Variants in NAP1L1 observed in about 807,000 individuals in gnomAD.
NAP1L1 encodes nucleosome assembly protein 1 like 1.
Under a neutral mutation model 58.9 loss-of-function variants are expected in NAP1L1, and 9 were observed. The ratio of observed to expected loss-of-function variants is 0.15; its 90% CI spans 0.09 to 0.27. The LOEUF is 0.27. Among genes scored for constraint, NAP1L1 ranks in the 10% least tolerant of loss-of-function variants. NAP1L1 has a pLI of 1.00. For missense variants in NAP1L1, 302 were observed against 458.8 expected (o/e 0.66, Z 3.12); for synonymous variants, 130 against 138.3 (o/e 0.94, Z 0.42).
At chr12:76,053,486 G>A in intron 9 of NAP1L1, 136 bp from the exon 10 acceptor site, 1 of 1,038,128 alleles carries the variant, frequency 9.6e-7, no homozygotes, top group South Asian at 1.8e-5. Context: ...GCAGTATAAA[G>A]GGAAAAATTT....
chr12:76,075,722 A>G (rs1592697174), intron 1 of NAP1L1, among the ~76,000 whole-genome samples: 1 of 152,236 alleles, frequency 6.6e-6, no homozygotes, highest in African/African-American at 2.4e-5. Context: ...AAGAAATCCA[A>G]GTAGGATTCC....
At chr12:76,058,184 G>C in intron 6 of NAP1L1, 2 of 495,026 alleles carry the variant, frequency 4.0e-6, no homozygotes, top group Non-Finnish European at 7.4e-6. Context: ...GCCAAAGGGA[G>C]AGAGGCCTAC....
rs979856145 is a variant in NAP1L1, at chr12:76,081,243, C to T, written c.-21+3324G>A. ...CACTGCTCACGTACGTAACCACGGACGGGTTATCTAACCACTCCACACCTA... is the reference window on the plus strand; with the variant it reads ...CACTGCTCACGTACGTAACCACGGATGGGTTATCTAACCACTCCACACCTA... On this transcript the variant is annotated intron_variant, in intron 1 of 14. Coordinates refer to ENST00000618691, the MANE Select transcript of NAP1L1 (RefSeq NM_004537.7). Among the ~76,000 whole-genome samples, 18 of 152,116 alleles carry T rather than the reference C, an allele frequency of 1.2e-4. 1 individual carries two copies. The highest frequency in any genetic ancestry group is 2.9e-4 in the African/African-American group (12 of 41,414).
intron 1 of NAP1L1, among the ~76,000 whole-genome samples, chr12:76,075,602 A>G (rs1049372713): frequency 6.6e-6 from 1 of 152,096 alleles, no homozygotes; most frequent in Admixed American, 6.5e-5. Context: ...AATTCCTAAT[A>G]GTACTGATGA....
At position 76,053,838 on chromosome 12, in the gene NAP1L1, C is replaced by T. The variant is rs1401857042; in HGVS notation, c.702G>A (p.Arg234=). ...FTNEVLTKTY[R]MRSEPDDSDP... The stretch of plus-strand genomic sequence containing the variant: ...CAGAATCATCTGGTTCTGACCTCAT[C>T]CTGTATGTCTTTGTCAGCACTTCAT... Residue 234 remains arginine, a synonymous_variant, in exon 9 of 15, where the codon AGG becomes AGA. Coordinates refer to ENST00000618691, the MANE Select transcript of NAP1L1 (RefSeq NM_004537.7). 1.3e-6 allele frequency: 2 copies of T among 1,597,272 alleles called. No individual in the cohort carries two copies. The highest frequency in any genetic ancestry group is 1.1e-5 in the South Asian group (1 of 87,250).
chr12:76,057,867 CGGT>C, intron 6 of NAP1L1: 2 of 1,471,924 alleles, frequency 1.4e-6, no homozygotes, highest in South Asian at 2.4e-5. Flanking sequence ...AAAACAAAGA[CGGT>C]ACCACAAAAG....
chr12:76,056,820 T>C, intron 6 of NAP1L1: 1 of 322,424 alleles, frequency 3.1e-6, no homozygotes, highest in Non-Finnish European at 6.2e-6. Flanking sequence ...GAGACCAGCC[T>C]GGCCAACATG....
In NAP1L1 at chr12:76,043,064, A is replaced by G. The variant is rs1948565878; in HGVS notation, c.*5365T>C. The stretch of plus-strand genomic sequence containing the variant: ...GCTTTTGTTCTTGGCTAAGTAAATT[A>G]TCTTAACAGCTAACAGCGTCTTGTT... On this transcript the variant is annotated 3_prime_UTR_variant, in exon 15 of 15. Transcript: ENST00000618691. The G allele has an allele frequency of 6.6e-6, 1 of 152,210 alleles. No homozygotes were observed. Among genetic ancestry groups the G allele is most frequent in the Non-Finnish European group, 1.5e-5 (1 of 68,032 alleles). The allele number at this position is 152,210 out of a possible 1,614,324, so 9.4% of individuals were successfully genotyped here.
chr12:76,060,444 A>G (rs1468154786), intron 4 of NAP1L1, among the ~76,000 whole-genome samples, 165 bp from the exon 5 acceptor site: 1 of 152,230 alleles, frequency 6.6e-6, no homozygotes, highest in Non-Finnish European at 1.5e-5. Context: ...AAATACATTG[A>G]TCCACTGGCT....
At position 76,038,318 on chromosome 12, in the gene NAP1L1, T is replaced by G. The variant is rs1450141493; in HGVS notation, c.*10111A>C. The G allele has an allele frequency of 6.6e-6, 1 of 152,178 alleles. No homozygotes were observed. The highest frequency in any genetic ancestry group is 1.9e-4 in the East Asian group (1 of 5,204). 9.4% of individuals were successfully genotyped at this position (152,178 alleles called of 1,614,324 possible). On this transcript the variant is annotated 3_prime_UTR_variant, in exon 15 of 15. Coordinates refer to ENST00000618691, the MANE Select transcript of NAP1L1 (RefSeq NM_004537.7). ...ACCCGTTGTTTGCAACTCAAATATG[T>G]AACTGACAGTCACTTGGGCAAATAC...
At position 76,039,968 on chromosome 12, in the gene NAP1L1, T is replaced by A. The variant is rs1948537039; in HGVS notation, c.*8461A>T. On this transcript the variant is annotated 3_prime_UTR_variant, in exon 15 of 15. Coordinates refer to ENST00000618691, the MANE Select transcript of NAP1L1 (RefSeq NM_004537.7). ...ATTATACCCAACTTTTGAAAACACGTGTACTTAAGGGTCACCTTATACATA... is the reference window on the plus strand; with the variant it reads ...ATTATACCCAACTTTTGAAAACACGAGTACTTAAGGGTCACCTTATACATA... 1 of 152,198 alleles carries A rather than the reference T, an allele frequency of 6.6e-6. No individual in the cohort carries two copies. Among genetic ancestry groups the A allele is most frequent in the Non-Finnish European group, 1.5e-5 (1 of 68,044 alleles). The allele number at this position is 152,198 out of a possible 1,614,324, so 9.4% of individuals were successfully genotyped here.
intron 1 of NAP1L1, among the ~76,000 whole-genome samples, chr12:76,079,710 G>T (rs1329828596): frequency 6.7e-6 from 1 of 149,432 alleles, no homozygotes; most frequent in Non-Finnish European, 1.5e-5. Context: ...TGGAGACAAG[G>T]CTTTGCTCTA....
At chr12:76,066,195 A>G (rs531761902) in intron 4 of NAP1L1, among the ~76,000 whole-genome samples, 1 of 151,880 alleles carries the variant, frequency 6.6e-6, no homozygotes, top group African/African-American at 2.4e-5. Context: ...AAGGAACTGG[A>G]AGCCTACGTA....
intron 11 of NAP1L1, among the ~76,000 whole-genome samples, chr12:76,052,137 C>T (rs1187879458): frequency 6.6e-6 from 1 of 151,982 alleles, no homozygotes; most frequent in Non-Finnish European, 1.5e-5. Flanking sequence ...TTTGAGTCAA[C>T]AACATAATCT....
chr12:76,057,445 T>C (rs1158941455), intron 6 of NAP1L1: 1 of 596,486 alleles, frequency 1.7e-6, no homozygotes, highest in Non-Finnish European at 3.0e-6. Flanking sequence ...AGGGAGGCCC[T>C]GGCCGGGGAA....
intron 1 of NAP1L1, among the ~76,000 whole-genome samples, chr12:76,079,512 T>C (rs1329532839): frequency 6.6e-6 from 1 of 152,100 alleles, no homozygotes; most frequent in Non-Finnish European, 1.5e-5. Context: ...AAAAGACAGT[T>C]TCAGAATAAA....
At chr12:76,076,551 TA>T (rs1206830531) in intron 1 of NAP1L1, among the ~76,000 whole-genome samples, 5 of 4,878 alleles carry the variant, frequency 1.0e-3, no homozygotes, top group Admixed American at 3.6e-3. Flanking sequence ...GATATGGAAA[TA>T]TATATATATA....
chr12:76,073,503 TTTA>T (rs2137081232), intron 2 of NAP1L1, among the ~76,000 whole-genome samples: 1 of 7,112 alleles, frequency 1.4e-4, no homozygotes. Context: ...CAATAAGTCT[TTTA>T]TAAAGCCTCA....
In NAP1L1 at chr12:76,043,261, G is replaced by A. The variant is rs1389826260; in HGVS notation, c.*5168C>T. 1 of 152,068 alleles carries A rather than the reference G, an allele frequency of 6.6e-6. No individual in the cohort carries two copies. Among genetic ancestry groups the A allele is most frequent in the African/African-American group, 2.4e-5 (1 of 41,382 alleles). 9.4% of individuals were successfully genotyped at this position (152,068 alleles called of 1,614,324 possible). Reference sequence around the variant, plus strand: ...AATTATCTTTCAGCCAGGTGCAGTGGCTAACGTCTGTAATCCCAGCACTTT... The same window carrying A: ...AATTATCTTTCAGCCAGGTGCAGTGACTAACGTCTGTAATCCCAGCACTTT... On this transcript the variant is annotated 3_prime_UTR_variant, in exon 15 of 15. Coordinates refer to ENST00000618691, the MANE Select transcript of NAP1L1 (RefSeq NM_004537.7).
Sources: allele counts gnomAD v4.1 joint callset (sites outside exome capture counted in the v4.1 genomes callset), GRCh38; gene constraint gnomAD v4.1.1; transcripts MANE v1.5; gene names NCBI Gene and HGNC (gene_info 2026-07-23, HGNC 2026-07-21).